Variants in COBL observed in about 807,000 individuals in gnomAD.
The protein encoded by COBL is protein cordon-bleu.
Under a neutral mutation model 98.8 loss-of-function variants are expected in COBL, and 51 were observed. The ratio of observed to expected loss-of-function variants is 0.52; its 90% CI spans 0.41 to 0.65. COBL has a LOEUF of 0.65. Ranked by LOEUF, COBL falls within the 30% of genes least tolerant of loss-of-function variation. COBL has a pLI of 0.00. For synonymous variants in COBL, 634 were observed against 651.7 expected (o/e 0.97, Z 0.41); for missense variants, 1,617 against 1,617.5 (o/e 1.00, Z 0.01).
At chr7:51,190,047 G>A (rs1318697120) in intron 4 of COBL, among the ~76,000 whole-genome samples, 1 of 152,210 alleles carries the variant, frequency 6.6e-6, no homozygotes, top group East Asian at 1.9e-4. Context: ...ACACAGTGAG[G>A]AGGCCTAAGG....
intron 2 of COBL, among the ~76,000 whole-genome samples, chr7:51,203,569 A>G (rs1346034493): frequency 6.6e-6 from 1 of 151,980 alleles, no homozygotes; most frequent in African/African-American, 2.4e-5. Context: ...ATATGAATAA[A>G]AAAGATCACT....
At chr7:51,045,001 C>A (rs930480040) in intron 7 of COBL, among the ~76,000 whole-genome samples, 1 of 152,126 alleles carries the variant, frequency 6.6e-6, no homozygotes, top group East Asian at 1.9e-4. Flanking sequence ...TGTAAACGTA[C>A]GAGGAGATAT....
chr7:51,270,770 GCAATTTGCT>G (rs1798679539), intron 1 of COBL, among the ~76,000 whole-genome samples: 1 of 151,576 alleles, frequency 6.6e-6, no homozygotes, highest in East Asian at 1.9e-4. Context: ...TGACTTGATG[GCAATTTGCT>G]CAATAATTAC....
intron 1 of COBL, among the ~76,000 whole-genome samples, chr7:51,256,637 C>T (rs1584324022): frequency 6.6e-6 from 1 of 152,208 alleles, no homozygotes; most frequent in South Asian, 2.1e-4. Flanking sequence ...CTCCTGCAAG[C>T]GTCACGTGGT....
At chr7:51,100,900 C>A (rs1287732294) in intron 6 of COBL, among the ~76,000 whole-genome samples, 2 of 135,386 alleles carry the variant, frequency 1.5e-5, no homozygotes, top group East Asian at 4.3e-4. Context: ...AAGACTCCGT[C>A]TTCAATAAGA....
At chr7:51,311,529 T>C (rs1237921970) in intron 1 of COBL, among the ~76,000 whole-genome samples, 1 of 152,180 alleles carries the variant, frequency 6.6e-6, no homozygotes, top group Non-Finnish European at 1.5e-5. Flanking sequence ...TCATATAAAG[T>C]ATACAAGAGG....
chr7:51,040,794 C>T (rs1286870998), intron 8 of COBL, among the ~76,000 whole-genome samples: 2 of 152,178 alleles, frequency 1.3e-5, no homozygotes. Flanking sequence ...CATAAAGCAT[C>T]AGGTTCCAAA....
At chr7:51,279,494 G>T (rs1252161018) in intron 1 of COBL, among the ~76,000 whole-genome samples, 1 of 152,144 alleles carries the variant, frequency 6.6e-6, no homozygotes, top group African/African-American at 2.4e-5. Context: ...GCAGTTTTAA[G>T]TTCAAAGCAA....
intron 12 of COBL, among the ~76,000 whole-genome samples, chr7:51,023,884 G>C (rs940532375): frequency 1.3e-5 from 2 of 152,196 alleles, no homozygotes; most frequent in Non-Finnish European, 2.9e-5. Flanking sequence ...TCCAGGCCCT[G>C]TGTGACCAAG....
At chr7:51,200,076 A>C (rs1443378185) in intron 2 of COBL, among the ~76,000 whole-genome samples, 1 of 152,216 alleles carries the variant, frequency 6.6e-6, no homozygotes, top group Non-Finnish European at 1.5e-5. Flanking sequence ...TGTAAGATTT[A>C]TCAGCAGAAA....
intron 5 of COBL, among the ~76,000 whole-genome samples, chr7:51,145,207 G>C (rs779832784): frequency 4.6e-5 from 7 of 151,898 alleles, no homozygotes; most frequent in South Asian, 2.1e-4. Context: ...GTAGAGACAG[G>C]GTTTCACCAT....
At chr7:51,144,443 C>T (rs1241859511) in intron 5 of COBL, among the ~76,000 whole-genome samples, 1 of 152,226 alleles carries the variant, frequency 6.6e-6, no homozygotes, top group African/African-American at 2.4e-5. Flanking sequence ...TAATGATGCA[C>T]ACACCCAGGC....
At chr7:51,118,877 C>T (rs988326980) in intron 6 of COBL, among the ~76,000 whole-genome samples, 2 of 152,204 alleles carry the variant, frequency 1.3e-5, no homozygotes, top group African/African-American at 4.8e-5. Context: ...GAGAGGAATC[C>T]ACAGCCAGAG....
Position 51,017,242 on chromosome 7 carries a change from T to C in COBL, c.*309A>G, listed in dbSNP as rs1006820726. 7.4e-6 allele frequency: 4 copies of C among 541,364 alleles called. No homozygotes were observed. In the African/African-American group the frequency reaches 7.6e-5, roughly 10 times the overall value. The allele number at this position is 541,364 out of a possible 1,614,324, so 33.5% of individuals were successfully genotyped here. On this transcript the variant is annotated 3_prime_UTR_variant, in exon 13 of 13. Coordinates refer to ENST00000265136, the MANE Select transcript of COBL (RefSeq NM_015198.5). Reference sequence around the variant, plus strand: ...CTTTTTACTTTGCCCATAAATATAATTAAGTGTGAGTGCTGGGCTCCAGCA... The same window carrying C: ...CTTTTTACTTTGCCCATAAATATAACTAAGTGTGAGTGCTGGGCTCCAGCA...
At chr7:51,271,984 G>A (rs183446162) in intron 1 of COBL, among the ~76,000 whole-genome samples, 34 of 152,300 alleles carry the variant, frequency 2.2e-4, no homozygotes, top group Non-Finnish European at 4.0e-4. Context: ...AGCCAAGATC[G>A]TATCACTGCA....
intron 7 of COBL, among the ~76,000 whole-genome samples, chr7:51,063,810 T>G (rs1160642497): frequency 6.6e-6 from 1 of 152,260 alleles, no homozygotes; most frequent in African/African-American, 2.4e-5. Context: ...AATTAGGATC[T>G]GTTGACTCCA....
intron 6 of COBL, among the ~76,000 whole-genome samples, chr7:51,095,024 G>A (rs1795147181): frequency 6.6e-6 from 1 of 152,088 alleles, no homozygotes; most frequent in African/African-American, 2.4e-5. Context: ...AAATGAAAAG[G>A]AATCAAAGTC....
intron 7 of COBL, among the ~76,000 whole-genome samples, chr7:51,049,089 T>C (rs1056343687): frequency 6.6e-6 from 1 of 152,230 alleles, no homozygotes; most frequent in East Asian, 1.9e-4. Flanking sequence ...CATTAATCTG[T>C]CACAAAAATT....
At chr7:51,239,730 G>A (rs535496988) in intron 1 of COBL, among the ~76,000 whole-genome samples, 1 of 152,298 alleles carries the variant, frequency 6.6e-6, no homozygotes, top group Admixed American at 6.5e-5. Flanking sequence ...AGTTGCCACA[G>A]CCTCTGCCCA....
Sources: allele counts gnomAD v4.1 joint callset (sites outside exome capture counted in the v4.1 genomes callset), GRCh38; gene constraint gnomAD v4.1.1; transcripts MANE v1.5; gene names NCBI Gene and HGNC (gene_info 2026-07-23, HGNC 2026-07-21).